The following C12orf42 variants were observed in gnomAD, a reference collection of about 807,000 sequenced individuals.
The protein encoded by C12orf42 is chromosome 12 open reading frame 42.
A neutral mutation model predicts 21.6 loss-of-function variants in C12orf42; 25 were observed. That is an observed-to-expected ratio of 1.16 (90% CI 0.84 to 1.62). The LOEUF is 1.62. Ranked by LOEUF, C12orf42 falls within the 40% of genes most tolerant of loss-of-function variation. The probability of loss-of-function intolerance (pLI) is 0.00; values close to 1 mark genes in which losing one functional copy is unlikely to be tolerated. For synonymous variants in C12orf42, 174 were observed against 175.0 expected (o/e 0.99, Z 0.05); for missense variants, 483 against 459.3 (o/e 1.05, Z -0.47).
the C12orf42 span, among the ~76,000 whole-genome samples, chr12:103,513,061 T>G: frequency 2.0e-5 from 3 of 151,686 alleles, no homozygotes; most frequent in South Asian, 6.3e-4. Context: ...AGCATTCCAC[T>G]GCTCCTCCTT....
the C12orf42 span, among the ~76,000 whole-genome samples, chr12:103,213,810 T>G: frequency 6.6e-6 from 1 of 152,236 alleles, no homozygotes; most frequent in African/African-American, 2.4e-5. Flanking sequence ...GTCCCCCAGC[T>G]GTCTTTTCCC....
At chr12:103,393,386 C>G (rs927484767) in intron 3 of C12orf42, among the ~76,000 whole-genome samples, 1 of 152,236 alleles carries the variant, frequency 6.6e-6, no homozygotes, top group African/African-American at 2.4e-5. Context: ...AACGCACTAT[C>G]ACAAGAACAG....
chr12:103,102,251 C>T, the C12orf42 span, among the ~76,000 whole-genome samples: 1 of 152,182 alleles, frequency 6.6e-6, no homozygotes, highest in Non-Finnish European at 1.5e-5. Context: ...CCTTTGTTTT[C>T]TCTAATTTGG....
At chr12:103,336,170 T>C (rs552860006) in intron 4 of C12orf42, among the ~76,000 whole-genome samples, 3 of 152,352 alleles carry the variant, frequency 2.0e-5, no homozygotes, top group African/African-American at 7.2e-5. Context: ...CCAGTGGGCA[T>C]TGTAAGGTGA....
chr12:103,271,083 A>G (rs527293179), intron 5 of C12orf42, among the ~76,000 whole-genome samples: 1 of 152,160 alleles, frequency 6.6e-6, no homozygotes, highest in Admixed American at 6.6e-5. Flanking sequence ...ATAGCAGGAC[A>G]GCACCTTGTT....
chr12:103,176,707 G>C, the C12orf42 span, among the ~76,000 whole-genome samples: 1 of 152,176 alleles, frequency 6.6e-6, no homozygotes, highest in Non-Finnish European at 1.5e-5. Context: ...AAGGTAGGCT[G>C]TCTGGCTCTA....
chr12:103,256,111 T>C (rs7958881), intron 10 of C12orf42, among the ~76,000 whole-genome samples: 2,928 of 33,678 alleles, frequency 0.087, 113 homozygotes, highest in African/African-American at 0.11. Flanking sequence ...TATATATATA[T>C]ACACACACAC....
intron 4 of C12orf42, among the ~76,000 whole-genome samples, chr12:103,337,087 C>T (rs796310436): frequency 1.2e-4 from 18 of 152,296 alleles, no homozygotes; most frequent in African/African-American, 4.3e-4. Context: ...TTAAATTGTG[C>T]TGCATTTGGT....
chr12:103,162,506 G>GGTGTGTGTGTGTGT, the C12orf42 span, among the ~76,000 whole-genome samples: 2 of 147,634 alleles, frequency 1.4e-5, no homozygotes, highest in African/African-American at 5.0e-5. Flanking sequence ...CCAACAAGCT[G>GGTGTGTGTGTGTGT]GTGTGTGTGT....
At chr12:103,072,366 A>G in the C12orf42 span, among the ~76,000 whole-genome samples, 1 of 152,108 alleles carries the variant, frequency 6.6e-6, no homozygotes, top group African/African-American at 2.4e-5. Context: ...AGAAGAACAG[A>G]TCCTATACCA....
chr12:103,080,167 C>G, the C12orf42 span, among the ~76,000 whole-genome samples: 4 of 152,104 alleles, frequency 2.6e-5, no homozygotes, highest in African/African-American at 9.7e-5. Context: ...GTGGTGGCAG[C>G]AGCATCTGAT....
chr12:103,250,962 T>C (rs913311589), intron 10 of C12orf42, among the ~76,000 whole-genome samples: 4 of 152,016 alleles, frequency 2.6e-5, no homozygotes, highest in African/African-American at 9.7e-5. Flanking sequence ...CTCAAATCCA[T>C]ATTTCAAATT....
chr12:103,369,347 C>CCAA (rs1555272365), intron 3 of C12orf42, among the ~76,000 whole-genome samples: 3 of 149,340 alleles, frequency 2.0e-5, no homozygotes, highest in African/African-American at 7.3e-5. Context: ...TGGAGAGTGA[C>CCAA]AAAAAAAAAC....
chr12:103,535,274 G>A, the C12orf42 span, among the ~76,000 whole-genome samples: 1 of 152,116 alleles, frequency 6.6e-6, no homozygotes, highest in Non-Finnish European at 1.5e-5. Context: ...ACTGGGTATG[G>A]TAGGCCCATT....
chr12:103,100,682 A>C, the C12orf42 span, among the ~76,000 whole-genome samples: 1 of 152,126 alleles, frequency 6.6e-6, no homozygotes, highest in South Asian at 2.1e-4. Flanking sequence ...CATTAATTAG[A>C]GTGTGTGGGC....
At chr12:103,220,899 G>A in the C12orf42 span, among the ~76,000 whole-genome samples, 4 of 152,262 alleles carry the variant, frequency 2.6e-5, no homozygotes, top group South Asian at 6.2e-4. Flanking sequence ...GGGAAAAGAA[G>A]TCTTTTCCTT....
the C12orf42 span, among the ~76,000 whole-genome samples, chr12:103,052,868 G>A: frequency 6.6e-6 from 1 of 151,916 alleles, no homozygotes; most frequent in Non-Finnish European, 1.5e-5. Flanking sequence ...TTTCCATATG[G>A]ATAATCAGTT....
intron 2 of C12orf42, among the ~76,000 whole-genome samples, chr12:103,413,790 G>T (rs1258380448): frequency 6.6e-6 from 1 of 152,016 alleles, no homozygotes; most frequent in African/African-American, 2.4e-5. Context: ...CTCCATTCAG[G>T]TTGCTGCAAA....
chr12:103,521,551 G>A, the C12orf42 span, among the ~76,000 whole-genome samples: 1 of 152,130 alleles, frequency 6.6e-6, no homozygotes, highest in Non-Finnish European at 1.5e-5. Context: ...GGGAGGGAGA[G>A]CATCAGAATA....
Sources: allele counts gnomAD v4.1 joint callset (sites outside exome capture counted in the v4.1 genomes callset), GRCh38; gene constraint gnomAD v4.1.1; transcripts MANE v1.5; gene names NCBI Gene and HGNC (gene_info 2026-07-23, HGNC 2026-07-21).